TBXAS1: variants seen among roughly 807,000 people sequenced by gnomAD.
TBXAS1 encodes the protein thromboxane-A synthase.
A neutral mutation model predicts 60.7 loss-of-function variants in TBXAS1; 48 were observed. The observed-to-expected ratio is 0.79, with a 90% CI of 0.63 to 1.01. The LOEUF is 1.01. Ranked by LOEUF, TBXAS1 falls within the 50% of genes least tolerant of loss-of-function variation. The probability of loss-of-function intolerance (pLI) is 0.00; values close to 1 mark genes in which losing one functional copy is unlikely to be tolerated. For synonymous variants in TBXAS1, 287 were observed against 269.7 expected (o/e 1.06, Z -0.63); for missense variants, 685 against 686.3 (o/e 1.00, Z 0.02).
chr7:139,828,205 A>G (rs1371762192), upstream of TBXAS1, among the ~76,000 whole-genome samples: 1 of 151,906 alleles, frequency 6.6e-6, no homozygotes, highest in Non-Finnish European at 1.5e-5. Context: ...GTCTTTGTTG[A>G]ATTGGGTTAA....
intron 4 of TBXAS1, among the ~76,000 whole-genome samples, chr7:139,932,602 G>A (rs149566582): frequency 4.6e-4 from 69 of 151,486 alleles, no homozygotes; most frequent in African/African-American, 1.6e-3. Context: ...ATATTTATTA[G>A]GCATATGCCT....
intron 1 of TBXAS1, among the ~76,000 whole-genome samples, chr7:139,839,420 G>A (rs765552956): frequency 8.5e-5 from 13 of 152,068 alleles, no homozygotes; most frequent in Non-Finnish European, 1.8e-4. Flanking sequence ...CTGATGAAGC[G>A]GCAAGGAAGG....
intron 4 of TBXAS1, among the ~76,000 whole-genome samples, chr7:139,817,002 G>T (rs1332410855): frequency 6.6e-6 from 1 of 152,154 alleles, no homozygotes; most frequent in Non-Finnish European, 1.5e-5. Context: ...CAGAGTCAGG[G>T]TTTAGTTCAA....
chr7:139,883,309 T>C (rs531155315), intron 3 of TBXAS1, among the ~76,000 whole-genome samples: 1 of 152,252 alleles, frequency 6.6e-6, no homozygotes, highest in Non-Finnish European at 1.5e-5. Flanking sequence ...CATGCTTTCT[T>C]ATGATTTAAG....
chr7:139,938,055 G>GA (rs1266667681), intron 5 of TBXAS1, among the ~76,000 whole-genome samples: 1 of 152,154 alleles, frequency 6.6e-6, no homozygotes, highest in East Asian at 1.9e-4. Flanking sequence ...AAAGCTGTTT[G>GA]AAAAATAGAG....
chr7:140,016,244 C>T lies in TBXAS1; in HGVS notation c.1364+384C>T, dbSNP rs527588859. The stretch of plus-strand genomic sequence containing the variant: ...TTGGGAGGCTGAGGCAGGAGAATGG[C>T]GTGAACCCAGGAGGCGGAGCTTGCA... On this transcript the variant is annotated intron_variant, in intron 11 of 12. Transcript: ENST00000448866. The T allele has an allele frequency of 5.6e-5, 19 of 341,074 alleles. No individual in the cohort carries two copies. In the Admixed American group the frequency reaches 5.6e-4, roughly 10 times the overall value. The allele number at this position is 341,074 out of a possible 1,614,324, so 21.1% of individuals were successfully genotyped here. A position where few individuals can be genotyped will look rare whatever the true frequency, so the allele number is the denominator to read the frequency against.
At chr7:140,006,978 C>A in intron 9 of TBXAS1, 113 bp from the exon 10 acceptor site, 1 of 1,038,172 alleles carries the variant, frequency 9.6e-7, no homozygotes, top group Non-Finnish European at 1.5e-6. Context: ...TGTGGGGTTT[C>A]TGTTTAAATG....
At chr7:139,984,722 A>AAAAGAAAGAAAGAAAGAAAGCAGG (rs1208735667) in intron 9 of TBXAS1, among the ~76,000 whole-genome samples, 1 of 149,086 alleles carries the variant, frequency 6.7e-6, no homozygotes, top group East Asian at 2.0e-4. Flanking sequence ...GGAAGGAAGG[A>AAAAGAAAGAAAGAAAGAAAGCAGG]AAAGAAAGAA....
chr7:139,825,771 A>G (rs1400112534), upstream of TBXAS1, among the ~76,000 whole-genome samples: 4 of 152,214 alleles, frequency 2.6e-5, no homozygotes, highest in Non-Finnish European at 5.9e-5. Context: ...TGTAAAAAAG[A>G]GTAAGGCTTG....
chr7:139,887,665 G>A (rs186659966), intron 3 of TBXAS1, among the ~76,000 whole-genome samples: 58 of 152,258 alleles, frequency 3.8e-4, no homozygotes, highest in African/African-American at 7.0e-4. Context: ...TTGTTTATTC[G>A]TTTGTTTGTA....
chr7:139,919,455 C>G (rs1806276261), intron 4 of TBXAS1, among the ~76,000 whole-genome samples: 1 of 152,218 alleles, frequency 6.6e-6, no homozygotes, highest in South Asian at 2.1e-4. Flanking sequence ...GCCTCTCAGC[C>G]TTGTGTGGCT....
chr7:139,993,645 T>A (rs1475388938), intron 9 of TBXAS1, among the ~76,000 whole-genome samples: 5 of 152,184 alleles, frequency 3.3e-5, no homozygotes. Context: ...CATCTAGCTA[T>A]GGGATGCCTA....
At chr7:139,849,922 G>A (rs1800094477) in intron 1 of TBXAS1, among the ~76,000 whole-genome samples, 2 of 152,344 alleles carry the variant, frequency 1.3e-5, no homozygotes, top group Middle Eastern at 3.4e-3. Flanking sequence ...GTTATGCCAA[G>A]AAAGGAATAT....
At chr7:140,018,733 C>A (rs979139868) in intron 12 of TBXAS1, among the ~76,000 whole-genome samples, 3 of 152,226 alleles carry the variant, frequency 2.0e-5, no homozygotes, top group Admixed American at 1.3e-4. Context: ...GGCCACACAG[C>A]AGGACTGCAG....
At chr7:139,887,338 A>T (rs1345742869) in intron 3 of TBXAS1, among the ~76,000 whole-genome samples, 1 of 152,108 alleles carries the variant, frequency 6.6e-6, no homozygotes, top group Non-Finnish European at 1.5e-5. Flanking sequence ...GTACCTTCAC[A>T]TTGTCGTGCA....
chr7:139,849,626 G>T (rs1477006778), intron 1 of TBXAS1, among the ~76,000 whole-genome samples: 1 of 152,148 alleles, frequency 6.6e-6, no homozygotes, highest in East Asian at 1.9e-4. Context: ...ATAGAGGGAA[G>T]GGTCTGACTG....
intron 4 of TBXAS1, among the ~76,000 whole-genome samples, chr7:139,928,198 T>G (rs1807041524): frequency 6.6e-6 from 1 of 152,214 alleles, no homozygotes; most frequent in Admixed American, 6.5e-5. Context: ...TTATTATGAA[T>G]GGGTGTCAGT....
intron 3 of TBXAS1, among the ~76,000 whole-genome samples, chr7:139,879,635 T>TATATTTG (rs1802530442): frequency 6.6e-6 from 1 of 152,134 alleles, no homozygotes; most frequent in Non-Finnish European, 1.5e-5. Context: ...TATATTGATA[T>TATATTTG]ATATTCAATA....
chr7:139,926,565 T>A (rs1215510685), intron 4 of TBXAS1, among the ~76,000 whole-genome samples: 1 of 152,070 alleles, frequency 6.6e-6, no homozygotes, highest in Non-Finnish European at 1.5e-5. Context: ...TTTGTTTATC[T>A]TTTCAAAAAA....
Sources: gnomAD v4.1 joint callset for allele counts (sites outside exome capture counted in the v4.1 genomes callset) on GRCh38, gnomAD v4.1.1 for gene constraint, MANE v1.5 for transcripts, NCBI Gene and HGNC (gene_info 2026-07-23, HGNC 2026-07-21) for gene names.